Variants in MYBPC1 observed in about 807,000 individuals in gnomAD.
MYBPC1 encodes myosin binding protein C1, also known as myosin-binding protein C, slow-type.
A neutral mutation model predicts 147.1 loss-of-function variants in MYBPC1; 52 were observed. The observed-to-expected ratio is 0.35, with a 90% CI of 0.28 to 0.45. The LOEUF is 0.45. MYBPC1 is among the 20% of genes least tolerant of loss of function. MYBPC1 has a pLI of 1.00. For synonymous variants in MYBPC1, 477 were observed against 475.9 expected, an observed-to-expected ratio of 1.00 and a Z score of -0.03; for missense variants, 1,228 against 1,440.3, an observed-to-expected ratio of 0.85 and a Z score of 2.39.
At chr12:101,653,985 C>G (rs1449952055) in intron 18 of MYBPC1, among the ~76,000 whole-genome samples, 1 of 152,166 alleles carries the variant, frequency 6.6e-6, no homozygotes, top group Non-Finnish European at 1.5e-5. Flanking sequence ...GGCAGAACAC[C>G]TGAAGCCAGG....
rs772359135 is a variant in MYBPC1 at position 101,642,464 on chromosome 12, G to A, written c.711G>A (p.Glu237=). The change falls in exon 11 of 32, where the codon GAG becomes GAA. Residue 237 remains glutamate (E), a synonymous_variant. Transcript: ENST00000361466. The stretch of plus-strand genomic sequence containing the variant: ...AAGAACCCCAGGTGGACGTATGGGA[G>A]TTGCTGAAGAACGCGAAACCCAGTG... ...QEEEPQVDVW[E]LLKNAKPSEY... 4 of 1,614,140 alleles carry A rather than the reference G, an allele frequency of 2.5e-6. No homozygotes were observed. The highest frequency in any genetic ancestry group is 2.2e-5 in the East Asian group (1 of 44,892).
intron 20 of MYBPC1, among the ~76,000 whole-genome samples, 187 bp from the exon 21 acceptor site, chr12:101,662,171 C>A (rs938863822): frequency 9.2e-5 from 14 of 151,960 alleles, no homozygotes; most frequent in Admixed American, 7.2e-4. Context: ...CCATTATTTT[C>A]ATCTATATTT....
chr12:101,675,713 CTTGA>C (rs1899813896), intron 26 of MYBPC1, among the ~76,000 whole-genome samples: 1 of 152,218 alleles, frequency 6.6e-6, no homozygotes, highest in Admixed American at 6.5e-5. Flanking sequence ...ATATCCCTTG[CTTGA>C]TTATTACAAA....
intron 24 of MYBPC1, 119 bp downstream of exon 24, chr12:101,670,528 G>T: frequency 1.2e-6 from 1 of 867,382 alleles, no homozygotes; most frequent in Non-Finnish European, 2.0e-6. Context: ...AGGGAGAGGA[G>T]GTAAATAAAG....
At chr12:101,673,289 G>A (rs1388646109) in intron 24 of MYBPC1, 138 bp from the exon 25 acceptor site, 1 of 799,930 alleles carries the variant, frequency 1.3e-6, no homozygotes, top group Admixed American at 2.0e-5. Flanking sequence ...TGCTGTAATT[G>A]CTCACCACCA....
At chr12:101,601,795 T>C (rs1194775898) in intron 1 of MYBPC1, among the ~76,000 whole-genome samples, 1 of 152,220 alleles carries the variant, frequency 6.6e-6, no homozygotes, top group Non-Finnish European at 1.5e-5. Flanking sequence ...GTCCAAATCT[T>C]TCCTAAATAC....
rs1183065646 is a variant in MYBPC1, at chr12:101,664,214, T to C, written c.2356+654T>C. Among the ~76,000 whole-genome samples the C allele has an allele frequency of 2.6e-5, 4 of 151,776 alleles. No homozygotes were observed. The East Asian group carries it at 5.8e-4, about 22-fold the overall frequency. On this transcript the variant is annotated intron_variant, in intron 22 of 31. Coordinates refer to ENST00000361466, the MANE Select transcript of MYBPC1 (RefSeq NM_002465.4). ...TTTTTAAAATCACTGATAGAAATAA[T>C]AGAAAAAGAAAAAATGACAGAAGAA... is the stretch of plus-strand genomic sequence containing the variant.
At position 101,680,501 on chromosome 12, in the gene MYBPC1, G is replaced by T. The variant is rs767982400; in HGVS notation, c.3405G>T (p.Val1135=). 16 of 1,613,964 alleles carry T rather than the reference G, an allele frequency of 9.9e-6. No homozygotes were observed. Among genetic ancestry groups the T allele is most frequent in the Admixed American group, 6.7e-5 (4 of 59,996 alleles). ...AAGCAGTCAATGACCTTGGGACAGT[G>T]GAGATTGAATGCAAACTGGAGGTGA... ...CCKAVNDLGT[V]EIECKLEVKV... Residue 1135 remains valine, a synonymous_variant, in exon 29 of 32, where the codon GTG becomes GTT. Coordinates refer to ENST00000361466, the MANE Select transcript of MYBPC1 (RefSeq NM_002465.4).
chr12:101,668,035 T>G (rs1565992300), intron 23 of MYBPC1, 136 bp downstream of exon 23: 2 of 1,027,584 alleles, frequency 1.9e-6, no homozygotes, highest in Middle Eastern at 3.0e-4. Flanking sequence ...TAATGCTTCC[T>G]AAGAGTTAGA....
At chr12:101,599,448 T>C (rs1476956251) in intron 1 of MYBPC1, among the ~76,000 whole-genome samples, 1 of 152,204 alleles carries the variant, frequency 6.6e-6, no homozygotes, top group African/African-American at 2.4e-5. Context: ...ATTCATCCCC[T>C]CTTGCCTATT....
At chr12:101,662,640 C>A (rs1896761336) in intron 21 of MYBPC1, 94 bp downstream of exon 21, 1 of 1,398,088 alleles carries the variant, frequency 7.2e-7, no homozygotes, top group Non-Finnish European at 1.0e-6. Context: ...GGCCTGGACA[C>A]TTCTTAGAGT....
the MYBPC1 span, among the ~76,000 whole-genome samples, chr12:101,691,841 G>A: frequency 6.6e-6 from 1 of 152,152 alleles, no homozygotes; most frequent in Admixed American, 6.5e-5. Flanking sequence ...CACACTCAGT[G>A]CAGGCTTGGT....
At chr12:101,604,303 G>GA (rs1319493092) in intron 1 of MYBPC1, among the ~76,000 whole-genome samples, 7 of 151,788 alleles carry the variant, frequency 4.6e-5, no homozygotes, top group Admixed American at 3.9e-4. Flanking sequence ...ACTAGGGGAG[G>GA]AAAAAAAACC....
intron 28 of MYBPC1, among the ~76,000 whole-genome samples, chr12:101,678,984 A>G (rs117205375): frequency 0.034 from 5,216 of 152,084 alleles, 140 homozygotes; most frequent in South Asian, 0.08. Flanking sequence ...CATGGTCTCT[A>G]CTAAAAATAG....
intron 1 of MYBPC1, among the ~76,000 whole-genome samples, chr12:101,598,190 T>G (rs1878214494): frequency 6.6e-6 from 1 of 152,076 alleles, no homozygotes; most frequent in Non-Finnish European, 1.5e-5. Flanking sequence ...CAGCTAATTT[T>G]TGTATTTTTA....
At position 101,677,268 on chromosome 12, in the gene MYBPC1, A is replaced by C. The variant is rs2136798364; in HGVS notation, c.2983A>C (p.Thr995Pro). 1 of 1,613,792 alleles carries C rather than the reference A, an allele frequency of 6.2e-7. No individual in the cohort carries two copies. The highest frequency in any genetic ancestry group is 1.1e-5 in the South Asian group (1 of 91,080). ...WFTVIEHYHR[T>P]SATITELVIG... ...TACTGTCATTGAGCATTATCATCGA[A>C]CCAGTGCCACCATTACTGAATTGGT... The change falls in exon 27 of 32, where the codon ACC becomes CCC. Residue 995 changes from threonine (T) to proline (P), a missense_variant. Physicochemically the swap from Thr to Pro is conservative, Grantham distance 38 (BLOSUM62 -1). Around this residue, in one of 2 missense-constraint regions of MYBPC1, gnomAD observed 1,077 missense variants for 1,314.2 expected, o/e 0.82. Coordinates refer to ENST00000361466, the MANE Select transcript of MYBPC1 (RefSeq NM_002465.4).
At chr12:101,619,601 G>T (rs1329095641) in intron 3 of MYBPC1, among the ~76,000 whole-genome samples, 1 of 152,180 alleles carries the variant, frequency 6.6e-6, no homozygotes, top group Non-Finnish European at 1.5e-5. Context: ...GTGCTGGGTA[G>T]GAGGATGAAC....
chr12:101,673,411 C>T lies in MYBPC1; in HGVS notation c.2614-16C>T. On this transcript the variant is annotated splice_polypyrimidine_tract_variant and intron_variant, in intron 24 of 31. Transcript: ENST00000361466. ...ATATGATTTACCCTCTCTACTTTTG[C>T]TGTCTTTCTTTTTAGGGAAAACCAA... is the stretch of plus-strand genomic sequence containing the variant. The T allele has an allele frequency of 6.2e-7, 1 of 1,610,450 alleles. No homozygotes were observed. The highest frequency in any genetic ancestry group is 8.5e-7 in the Non-Finnish European group (1 of 1,178,416).
chr12:101,680,353 C>G lies in MYBPC1; in HGVS notation c.3257C>G (p.Thr1086Ser), dbSNP rs1372278169. 6.2e-7 allele frequency: 1 copy of G among 1,613,884 alleles called. No homozygotes were observed. The highest frequency in any genetic ancestry group is 2.2e-5 in the East Asian group (1 of 44,872). ...SVRGNPKPKI[T>S]WMKNKVAIVD... The stretch of plus-strand genomic sequence containing the variant: ...CAATTTGAACTTCAGCCTAAAATAA[C>G]CTGGATGAAAAACAAAGTTGCTATT... Residue 1086 changes from threonine (T) to serine (S), a missense_variant, in exon 29 of 32, where the codon ACC becomes AGC. Around this residue, in one of 2 missense-constraint regions of MYBPC1, gnomAD observed 1,077 missense variants for 1,314.2 expected, o/e 0.82. Transcript: ENST00000361466.
Sources: allele counts gnomAD v4.1 joint callset (sites outside exome capture counted in the v4.1 genomes callset), GRCh38; gene constraint gnomAD v4.1.1; regional missense constraint gnomAD v4.1.1; transcripts MANE v1.5; gene names NCBI Gene and HGNC (gene_info 2026-07-23, HGNC 2026-07-21).